MICU1: variants seen among roughly 807,000 people sequenced by gnomAD.
The protein encoded by MICU1 is calcium uptake protein 1, mitochondrial.
Under a neutral mutation model 56.8 loss-of-function variants are expected in MICU1, and 45 were observed. That is an observed-to-expected ratio of 0.79 (90% CI 0.62 to 1.02). MICU1 has a LOEUF of 1.02. Ranked by LOEUF, MICU1 falls within the 50% of genes least tolerant of loss-of-function variation. The probability of loss-of-function intolerance (pLI) is 0.00; values close to 1 mark genes in which losing one functional copy is unlikely to be tolerated. For synonymous variants in MICU1, 186 were observed against 195.1 expected (o/e 0.95, Z 0.39); for missense variants, 504 against 587.1 (o/e 0.86, Z 1.46).
At chr10:72,447,418 T>C (rs1865139291) in intron 8 of MICU1, among the ~76,000 whole-genome samples, 1 of 152,148 alleles carries the variant, frequency 6.6e-6, no homozygotes, top group African/African-American at 2.4e-5. Flanking sequence ...GGCATGATTA[T>C]AGTCATGACA....
intron 1 of MICU1, among the ~76,000 whole-genome samples, chr10:72,570,794 T>C (rs1840590311): frequency 6.6e-6 from 1 of 152,160 alleles, no homozygotes; most frequent in Admixed American, 6.5e-5. Context: ...CTCATTTTAT[T>C]GCACATACTC....
At chr10:72,563,505 C>T (rs1840350052) in intron 2 of MICU1, among the ~76,000 whole-genome samples, 1 of 152,194 alleles carries the variant, frequency 6.6e-6, no homozygotes, top group African/African-American at 2.4e-5. Context: ...ACTTCACTTA[C>T]ATGAGTTACC....
intron 8 of MICU1, among the ~76,000 whole-genome samples, chr10:72,446,003 T>C (rs1865093035): frequency 6.6e-6 from 1 of 152,138 alleles, no homozygotes; most frequent in Non-Finnish European, 1.5e-5. Context: ...CTTCTTAAAA[T>C]TGCTATTGGC....
chr10:72,391,687 T>A (rs1038677148), intron 10 of MICU1, among the ~76,000 whole-genome samples: 18 of 151,766 alleles, frequency 1.2e-4, no homozygotes, highest in Admixed American at 7.9e-4. Context: ...GTTGGAAAAA[T>A]TTTTGGAGGC....
intron 9 of MICU1, among the ~76,000 whole-genome samples, chr10:72,421,899 G>C (rs1864186918): frequency 6.6e-6 from 1 of 152,124 alleles, no homozygotes; most frequent in Non-Finnish European, 1.5e-5. Context: ...AGTCTTGCAT[G>C]TTCTGTTCCT....
Position 72,556,591 on chromosome 10 carries a change from G to A in MICU1, c.331-5250C>T, listed in dbSNP as rs536715642. Among the ~76,000 whole-genome samples the A allele has an allele frequency of 2.6e-5, 4 of 151,962 alleles. No individual in the cohort carries two copies. In the South Asian group the frequency reaches 6.2e-4, roughly 24 times the overall value. ...TGAGCTCAGGTGATCCACCCACCTC[G>A]GCCTCCCATAGTGCTGGGATTACAC... On this transcript the variant is annotated intron_variant, in intron 3 of 11. Transcript: ENST00000361114.
At chr10:72,599,073 T>A (rs993781183) in intron 1 of MICU1, among the ~76,000 whole-genome samples, 1 of 152,224 alleles carries the variant, frequency 6.6e-6, no homozygotes, top group Non-Finnish European at 1.5e-5. Flanking sequence ...AAATGCCTTA[T>A]GTTTATCCTC....
intron 4 of MICU1, among the ~76,000 whole-genome samples, chr10:72,536,866 T>G (rs1024618544): frequency 1.3e-5 from 2 of 152,200 alleles, no homozygotes; most frequent in Non-Finnish European, 2.9e-5. Context: ...ACATTTCAAG[T>G]GCTCAGTAGC....
intron 5 of MICU1, among the ~76,000 whole-genome samples, chr10:72,513,078 T>C (rs1867532023): frequency 6.6e-6 from 1 of 152,078 alleles, no homozygotes; most frequent in African/African-American, 2.4e-5. Context: ...ATCATGGATC[T>C]GGGCTGCATC....
intron 1 of MICU1, among the ~76,000 whole-genome samples, chr10:72,572,022 A>AAAAC (rs1464704914): frequency 2.0e-5 from 3 of 152,180 alleles, no homozygotes; most frequent in African/African-American, 7.2e-5. Context: ...TAAAAAAAAA[A>AAAAC]AAACAAACAC....
chr10:72,562,145 A>ATC (rs1840313037), intron 3 of MICU1, among the ~76,000 whole-genome samples: 1 of 78,542 alleles, frequency 1.3e-5, no homozygotes, highest in Non-Finnish European at 3.2e-5. Context: ...ATTACATAAA[A>ATC]TCTTTTTTTT....
chr10:72,432,762 G>C (rs771450507), intron 8 of MICU1, among the ~76,000 whole-genome samples: 1 of 152,164 alleles, frequency 6.6e-6, no homozygotes, highest in African/African-American at 2.4e-5. Context: ...CCACTCCCAC[G>C]ACCCAAACAC....
chr10:72,416,848 T>C (rs1300370820), intron 9 of MICU1, among the ~76,000 whole-genome samples: 1 of 152,130 alleles, frequency 6.6e-6, no homozygotes, highest in Non-Finnish European at 1.5e-5. Context: ...ATATTTATCA[T>C]TGCACTTGAT....
intron 4 of MICU1, among the ~76,000 whole-genome samples, chr10:72,543,873 G>T (rs1432864136): frequency 2.0e-5 from 3 of 152,144 alleles, no homozygotes; most frequent in African/African-American, 7.2e-5. Context: ...GATACTTAGG[G>T]TAAGGGAGGA....
chr10:72,499,692 T>C (rs1024314687), intron 6 of MICU1, among the ~76,000 whole-genome samples: 3 of 152,228 alleles, frequency 2.0e-5, no homozygotes, highest in East Asian at 1.9e-4. Context: ...CCAACTCTGA[T>C]GTCCCAGTAA....
At chr10:72,458,606 C>A (rs1050209363) in intron 8 of MICU1, among the ~76,000 whole-genome samples, 22 of 151,980 alleles carry the variant, frequency 1.4e-4, no homozygotes, top group Non-Finnish European at 1.6e-4. Context: ...AGTATTAAGA[C>A]TGGACAGAGA....
chr10:72,562,144 A>C (rs1735650587), intron 3 of MICU1, among the ~76,000 whole-genome samples: 1 of 98,130 alleles, frequency 1.0e-5, no homozygotes, highest in Non-Finnish European at 2.5e-5. Context: ...AATTACATAA[A>C]ATCTTTTTTT....
intron 1 of MICU1, among the ~76,000 whole-genome samples, chr10:72,598,225 G>A (rs1841429744): frequency 6.6e-6 from 1 of 152,008 alleles, no homozygotes; most frequent in Non-Finnish European, 1.5e-5. Flanking sequence ...AAGAGAGGTA[G>A]AGGAGCTACT....
chr10:72,493,275 T>C (rs1257854567), intron 6 of MICU1, among the ~76,000 whole-genome samples: 32 of 152,182 alleles, frequency 2.1e-4, no homozygotes, highest in Non-Finnish European at 8.8e-5. Context: ...AGGTATGTTT[T>C]GAGTCATCAT....
Sources: allele counts gnomAD v4.1 joint callset (sites outside exome capture counted in the v4.1 genomes callset), GRCh38; gene constraint gnomAD v4.1.1; transcripts MANE v1.5; gene names NCBI Gene and HGNC (gene_info 2026-07-23, HGNC 2026-07-21).